Variants in RAB6B observed in about 807,000 individuals in gnomAD.
The protein encoded by RAB6B is ras-related protein Rab-6B.
In RAB6B, 7 loss-of-function variants were observed where a neutral mutation model predicts 31.2. That is an observed-to-expected ratio of 0.22 (90% confidence interval 0.13 to 0.42). The LOEUF (loss-of-function observed/expected upper bound fraction) is 0.42, where lower values mean the gene tolerates loss of function less well. Ranked by LOEUF, RAB6B falls within the 10% of genes least tolerant of loss-of-function variation. The probability of loss-of-function intolerance (pLI) is 1.00; values close to 1 mark genes in which losing one functional copy is unlikely to be tolerated. For missense variants in RAB6B, 149 were observed against 280.6 expected, an observed-to-expected ratio of 0.53 and a Z score of 3.35; for synonymous variants, 105 against 104.9, an observed-to-expected ratio of 1.00 and a Z score of -0.01.
At chr3:133,885,637 A>T in intron 1 of RAB6B, 1 of 702,948 alleles carries the variant, frequency 1.4e-6, no homozygotes, top group South Asian at 1.5e-5. Context: ...CACCCATGGA[A>T]GGCCAGAGCA....
In RAB6B at chr3:133,828,416, T is replaced by G; in HGVS notation, c.*372A>C. Reference sequence around the variant, plus strand: ...AGGAGGAGGTGTGTGGAAAAGGTTCTCTATAAGTTTACAAATATACAAAAA... The same window carrying G: ...AGGAGGAGGTGTGTGGAAAAGGTTCGCTATAAGTTTACAAATATACAAAAA... On this transcript the variant is annotated 3_prime_UTR_variant, in exon 8 of 8. Coordinates refer to ENST00000285208, the MANE Select transcript of RAB6B (RefSeq NM_016577.4). 2.7e-6 allele frequency: 1 copy of G among 363,996 alleles called. No individual in the cohort carries two copies. 22.5% of individuals were successfully genotyped at this position (363,996 alleles called of 1,614,324 possible).
At chr3:133,860,703 C>A (rs996368133) in intron 2 of RAB6B, among the ~76,000 whole-genome samples, 31 of 152,168 alleles carry the variant, frequency 2.0e-4, no homozygotes, top group African/African-American at 5.6e-4. Flanking sequence ...AAGGATCCAG[C>A]GCAGGCAGAG....
intron 1 of RAB6B, among the ~76,000 whole-genome samples, chr3:133,882,583 C>A (rs1936483843): frequency 6.6e-6 from 1 of 152,230 alleles, no homozygotes; most frequent in South Asian, 2.1e-4. Flanking sequence ...CTAAAGCGCT[C>A]CTAGCTGGCC....
At chr3:133,847,739 T>C (rs1209978500) in intron 2 of RAB6B, among the ~76,000 whole-genome samples, 1 of 152,234 alleles carries the variant, frequency 6.6e-6, no homozygotes, top group African/African-American at 2.4e-5. Context: ...CAATAGCCAT[T>C]TGATTATCAA....
chr3:133,881,096 G>A (rs113753902), intron 1 of RAB6B, among the ~76,000 whole-genome samples: 59 of 152,200 alleles, frequency 3.9e-4, no homozygotes, highest in African/African-American at 1.3e-3. Flanking sequence ...GGTGGATCAA[G>A]GGGAGCTGCG....
chr3:133,845,757 T>C (rs78503347), intron 2 of RAB6B, among the ~76,000 whole-genome samples: 13 of 151,650 alleles, frequency 8.6e-5, no homozygotes, highest in East Asian at 7.8e-4. Flanking sequence ...GGACTAGAAA[T>C]GTGAAGAAAC....
chr3:133,839,682 G>T, intron 4 of RAB6B, 65 bp from the exon 5 acceptor site: 1 of 1,231,812 alleles, frequency 8.1e-7, no homozygotes, highest in Non-Finnish European at 1.2e-6. Flanking sequence ...ATGGGAAGGG[G>T]AGGTGTGAGC....
intron 1 of RAB6B, 132 bp downstream of exon 1, chr3:133,895,265 A>C (rs1236186042): frequency 2.4e-5 from 14 of 590,916 alleles, no homozygotes; most frequent in African/African-American, 1.0e-4. Context: ...CGACCTCCCC[A>C]TCCCTGTCCC....
At chr3:133,877,433 C>G (rs1384307182) in intron 1 of RAB6B, among the ~76,000 whole-genome samples, 1 of 152,198 alleles carries the variant, frequency 6.6e-6, no homozygotes, top group African/African-American at 2.4e-5. Flanking sequence ...AAAGTCTCAT[C>G]ATTTACGGGA....
Position 133,827,750 on chromosome 3 carries a change from C to CCA in RAB6B, c.*1037_*1038insTG. On this transcript the variant is annotated 3_prime_UTR_variant, in exon 8 of 8. Coordinates refer to ENST00000285208, the MANE Select transcript of RAB6B (RefSeq NM_016577.4). ...GGTGGTGGTTCTGCAGACAACACCCCCCCCCCCCCCCGCCTCCCCATCACA... is the reference window on the plus strand; with the variant it reads ...GGTGGTGGTTCTGCAGACAACACCCCCACCCCCCCCCCCGCCTCCCCATCACA... The CCA allele has an allele frequency of 3.5e-5, 1 of 28,876 alleles. No individual in the cohort carries two copies. 1.8% of individuals were successfully genotyped at this position (28,876 alleles called of 1,614,324 possible). A position where few individuals can be genotyped will look rare whatever the true frequency, so the allele number is the denominator to read the frequency against.
At chr3:133,839,440 C>T in intron 5 of RAB6B, 66 bp downstream of exon 5, 1 of 1,379,004 alleles carries the variant, frequency 7.3e-7, no homozygotes, top group Non-Finnish European at 1.0e-6. Context: ...CCCAGAGCTC[C>T]CTGTCCAGGA....
At chr3:133,890,726 G>A (rs1936625167) in intron 1 of RAB6B, among the ~76,000 whole-genome samples, 1 of 152,066 alleles carries the variant, frequency 6.6e-6, no homozygotes, top group Non-Finnish European at 1.5e-5. Context: ...TTCAAATCAA[G>A]ATACTTAATA....
chr3:133,862,766 T>G (rs1163842895), intron 2 of RAB6B, among the ~76,000 whole-genome samples: 1 of 152,156 alleles, frequency 6.6e-6, no homozygotes, highest in Admixed American at 6.5e-5. Context: ...GATGAGGCTT[T>G]GATCCATACT....
intron 2 of RAB6B, among the ~76,000 whole-genome samples, chr3:133,857,866 G>T (rs1936104709): frequency 6.6e-6 from 1 of 151,990 alleles, no homozygotes; most frequent in Admixed American, 6.5e-5. Flanking sequence ...ACTGTTCGTT[G>T]GCCCCTTCCA....
chr3:133,873,729 G>A (rs922873269), intron 1 of RAB6B, among the ~76,000 whole-genome samples: 1 of 152,202 alleles, frequency 6.6e-6, no homozygotes, highest in Non-Finnish European at 1.5e-5. Flanking sequence ...CCTTGAAGAA[G>A]GCAAGAGTTG....
intron 2 of RAB6B, among the ~76,000 whole-genome samples, chr3:133,859,088 C>T (rs900456958): frequency 1.3e-5 from 2 of 152,130 alleles, no homozygotes; most frequent in African/African-American, 4.8e-5. Flanking sequence ...AAGCAATCCT[C>T]CCATCTCAGC....
At chr3:133,864,097 G>A (rs942860631) in intron 2 of RAB6B, among the ~76,000 whole-genome samples, 1 of 151,104 alleles carries the variant, frequency 6.6e-6, no homozygotes, top group Non-Finnish European at 1.5e-5. Flanking sequence ...AGCCTCTCCA[G>A]GGAAGGAAGT....
chr3:133,859,553 G>A (rs78997892), intron 2 of RAB6B, among the ~76,000 whole-genome samples: 128 of 152,324 alleles, frequency 8.4e-4, no homozygotes, highest in African/African-American at 3.0e-3. Context: ...AGCAAAGGCA[G>A]TGCGAGGGCT....
intron 5 of RAB6B, among the ~76,000 whole-genome samples, chr3:133,839,285 C>A (rs1256833510): frequency 6.6e-6 from 1 of 152,174 alleles, no homozygotes; most frequent in African/African-American, 2.4e-5. Flanking sequence ...GAGAAGTGCC[C>A]CGCCCCTGCC....
Sources: gnomAD v4.1 joint callset for allele counts (sites outside exome capture counted in the v4.1 genomes callset) on GRCh38, gnomAD v4.1.1 for gene constraint, MANE v1.5 for transcripts, NCBI Gene and HGNC (gene_info 2026-07-23, HGNC 2026-07-21) for gene names.